The following PRELID2 variants were observed in gnomAD, a reference collection of about 807,000 sequenced individuals.
The protein encoded by PRELID2 is PRELI domain-containing protein 2.
In PRELID2, 25 loss-of-function variants were observed where a neutral mutation model predicts 28.4. The ratio of observed to expected loss-of-function variants is 0.88; its 90% CI spans 0.64 to 1.23. The LOEUF (loss-of-function observed/expected upper bound fraction) is 1.23, where lower values mean the gene tolerates loss of function less well. Ranked by LOEUF, PRELID2 falls within the 50% of genes most tolerant of loss-of-function variation. The probability of loss-of-function intolerance (pLI) is 0.00; values close to 1 mark genes in which losing one functional copy is unlikely to be tolerated. For synonymous variants in PRELID2, 76 were observed against 71.6 expected (o/e 1.06, Z -0.31); for missense variants, 201 against 214.4 (o/e 0.94, Z 0.39).
the PRELID2 span, among the ~76,000 whole-genome samples, chr5:145,385,034 G>T: frequency 1.3e-5 from 2 of 151,894 alleles, no homozygotes; most frequent in Admixed American, 1.3e-4. Context: ...AAGGTACAGT[G>T]TAAGAGTGAA....
chr5:145,369,757 A>G, the PRELID2 span, among the ~76,000 whole-genome samples: 2 of 152,014 alleles, frequency 1.3e-5, no homozygotes, highest in Non-Finnish European at 1.5e-5. Context: ...AAGTGCTCCT[A>G]TCTCTCCACA....
At chr5:145,743,931 G>C (rs972451503) in intron 1 of PRELID2, among the ~76,000 whole-genome samples, 22 of 152,234 alleles carry the variant, frequency 1.4e-4, no homozygotes, top group African/African-American at 5.3e-4. Context: ...TAAGCTCCCT[G>C]GGCCGGGGAA....
intron 1 of PRELID2, among the ~76,000 whole-genome samples, chr5:145,550,899 A>G (rs1451892517): frequency 6.6e-6 from 1 of 152,150 alleles, no homozygotes; most frequent in Non-Finnish European, 1.5e-5. Flanking sequence ...TGCTATTTAT[A>G]CTAAGTTGTA....
At chr5:145,644,297 C>T (rs186025117) in intron 1 of PRELID2, among the ~76,000 whole-genome samples, 20 of 152,238 alleles carry the variant, frequency 1.3e-4, no homozygotes, top group African/African-American at 4.6e-4. Flanking sequence ...AGTTTATTGG[C>T]GTAGAGGTAT....
chr5:145,473,798 A>T (rs896982425), intron 1 of PRELID2, among the ~76,000 whole-genome samples: 7 of 152,190 alleles, frequency 4.6e-5, no homozygotes, highest in African/African-American at 1.7e-4. Context: ...GATGAGCCTT[A>T]ATTTTCTTAT....
the PRELID2 span, among the ~76,000 whole-genome samples, chr5:145,328,695 A>G: frequency 6.6e-6 from 1 of 151,962 alleles, no homozygotes; most frequent in Admixed American, 6.6e-5. Context: ...AGAAGGCTAG[A>G]TTGTTAAAAT....
the PRELID2 span, among the ~76,000 whole-genome samples, chr5:145,340,594 C>T: frequency 6.6e-6 from 1 of 151,822 alleles, no homozygotes; most frequent in African/African-American, 2.4e-5. Context: ...ATTGTGAAAC[C>T]CCATCTCTAC....
chr5:145,231,545 G>C, the PRELID2 span, among the ~76,000 whole-genome samples: 1 of 152,204 alleles, frequency 6.6e-6, no homozygotes, highest in South Asian at 2.1e-4. Flanking sequence ...AGGACAGTTT[G>C]TATAAATAAA....
chr5:145,582,491 C>T (rs530481933), intron 1 of PRELID2, among the ~76,000 whole-genome samples: 1 of 151,940 alleles, frequency 6.6e-6, no homozygotes, highest in East Asian at 1.9e-4. Context: ...ACCCCTCCCC[C>T]AACACATGGG....
At chr5:145,397,808 C>T in the PRELID2 span, among the ~76,000 whole-genome samples, 7 of 152,168 alleles carry the variant, frequency 4.6e-5, no homozygotes, top group South Asian at 6.2e-4. Flanking sequence ...GTCAGAGAAG[C>T]GAAAACTGAG....
intron 4 of PRELID2, among the ~76,000 whole-genome samples, chr5:145,812,904 T>C (rs941585739): frequency 3.9e-5 from 6 of 152,212 alleles, no homozygotes. Flanking sequence ...AGCTATCCAG[T>C]TGTGTGACAG....
the PRELID2 span, among the ~76,000 whole-genome samples, chr5:145,283,665 A>G: frequency 1.3e-5 from 2 of 152,208 alleles, no homozygotes; most frequent in South Asian, 4.1e-4. Flanking sequence ...CAATTGCCAA[A>G]GCGAGAGGAT....
the PRELID2 span, among the ~76,000 whole-genome samples, chr5:145,289,215 C>A: frequency 6.6e-6 from 1 of 152,076 alleles, no homozygotes; most frequent in African/African-American, 2.4e-5. Flanking sequence ...TGCATAACAT[C>A]ATATATCTAC....
At chr5:145,829,945 C>T (rs917238549) in intron 1 of PRELID2, among the ~76,000 whole-genome samples, 2 of 152,198 alleles carry the variant, frequency 1.3e-5, no homozygotes, top group African/African-American at 4.8e-5. Context: ...TTTTGTTCAG[C>T]ACACCAGGCT....
chr5:145,417,585 G>T, the PRELID2 span, among the ~76,000 whole-genome samples: 3 of 152,050 alleles, frequency 2.0e-5, no homozygotes, highest in Non-Finnish European at 4.4e-5. Flanking sequence ...ATGCAAGGTT[G>T]GTTCAACATA....
the PRELID2 span, among the ~76,000 whole-genome samples, chr5:145,435,769 G>A: frequency 6.6e-6 from 1 of 152,124 alleles, no homozygotes; most frequent in African/African-American, 2.4e-5. Flanking sequence ...GGGCCAGAAA[G>A]GCAGTGTACT....
rs948084980 is a variant in PRELID2 at position 145,756,450 on chromosome 5, T to C, written c.*4086A>G. 9.2e-5 allele frequency among the ~76,000 whole-genome samples: 14 copies of C among 152,198 alleles called. No individual in the cohort carries two copies. Among genetic ancestry groups the C allele is most frequent in the African/African-American group, 3.1e-4 (13 of 41,452 alleles). On this transcript the variant is annotated 3_prime_UTR_variant, in exon 7 of 7. Transcript: ENST00000683046. ...ATAACACTGAATCAGAAACACTTCA[T>C]CCCACATAAAAATTTGGCCTGATCA...
intron 1 of PRELID2, among the ~76,000 whole-genome samples, chr5:145,476,488 T>C (rs1002894442): frequency 1.3e-5 from 2 of 152,028 alleles, no homozygotes; most frequent in African/African-American, 4.8e-5. Context: ...CTACTAAACA[T>C]ACAAAAATTA....
intron 1 of PRELID2, among the ~76,000 whole-genome samples, chr5:145,832,821 C>T (rs987453722): frequency 5.3e-5 from 8 of 152,062 alleles, no homozygotes; most frequent in Admixed American, 1.3e-4. Flanking sequence ...CCCAGCCTTC[C>T]TAGGAAACTT....
Sources: allele counts gnomAD v4.1 joint callset (sites outside exome capture counted in the v4.1 genomes callset), GRCh38; gene constraint gnomAD v4.1.1; transcripts MANE v1.5; gene names NCBI Gene and HGNC (gene_info 2026-07-23, HGNC 2026-07-21).